DLGAP2: variants seen among roughly 807,000 people sequenced by gnomAD.
DLGAP2 encodes the protein DLG associated protein 2.
In DLGAP2, 26 loss-of-function variants were observed where a neutral mutation model predicts 100.3. The observed-to-expected ratio is 0.26, with a 90% CI of 0.19 to 0.36. The LOEUF is 0.36. Among genes scored for constraint, DLGAP2 ranks in the 10% least tolerant of loss-of-function variants. The probability of loss-of-function intolerance (pLI) is 1.00; values close to 1 mark genes in which losing one functional copy is unlikely to be tolerated. For missense variants in DLGAP2, 1,858 were observed against 1,453.2 expected (o/e 1.28, Z -4.53); for synonymous variants, 886 against 630.1 (o/e 1.41, Z -6.08).
At chr8:1,390,785 C>G (rs1438966206) in intron 3 of DLGAP2, among the ~76,000 whole-genome samples, 1 of 152,190 alleles carries the variant, frequency 6.6e-6, no homozygotes, top group East Asian at 1.9e-4. Flanking sequence ...TGTTACAAAA[C>G]CATTTTTCAA....
At chr8:1,677,500 T>C (rs1161668077) in intron 11 of DLGAP2, among the ~76,000 whole-genome samples, 3 of 152,142 alleles carry the variant, frequency 2.0e-5, no homozygotes, top group African/African-American at 7.2e-5. Flanking sequence ...CTGCAGTAGC[T>C]GGGACTATGT....
At chr8:1,436,770 C>T (rs1797644387) in intron 3 of DLGAP2, among the ~76,000 whole-genome samples, 1 of 152,190 alleles carries the variant, frequency 6.6e-6, no homozygotes, top group South Asian at 2.1e-4. Flanking sequence ...CTCACCCGGT[C>T]ACCCAGAGCA....
At chr8:845,172 G>A (rs748684259) in intron 1 of DLGAP2, among the ~76,000 whole-genome samples, 2 of 152,142 alleles carry the variant, frequency 1.3e-5, no homozygotes, top group Non-Finnish European at 2.9e-5. Flanking sequence ...TTTCTCTTGG[G>A]TATATACCTA....
intron 2 of DLGAP2, among the ~76,000 whole-genome samples, chr8:1,166,645 A>G (rs1348753229): frequency 2.6e-5 from 4 of 152,184 alleles, no homozygotes; most frequent in Admixed American, 2.0e-4. Context: ...TCAATGCCGC[A>G]TAAGCATGTC....
intron 2 of DLGAP2, among the ~76,000 whole-genome samples, chr8:1,220,732 T>G (rs1161646589): frequency 6.6e-6 from 1 of 152,248 alleles, no homozygotes; most frequent in Non-Finnish European, 1.5e-5. Flanking sequence ...TGTGTGGTTA[T>G]CAAAGTCTTT....
chr8:1,145,762 C>G (rs13265610), intron 2 of DLGAP2, among the ~76,000 whole-genome samples: 1 of 122,678 alleles, frequency 8.2e-6, no homozygotes, highest in East Asian at 3.0e-4. Flanking sequence ...ATCCCTCCCC[C>G]CTCCCCCCAC....
chr8:989,910 C>A (rs886869492), intron 2 of DLGAP2, among the ~76,000 whole-genome samples: 1 of 152,098 alleles, frequency 6.6e-6, no homozygotes, highest in Non-Finnish European at 1.5e-5. Flanking sequence ...TTAAAAATAA[C>A]TGAATTGTAA....
At chr8:758,944 C>A (rs961778941) in intron 1 of DLGAP2, among the ~76,000 whole-genome samples, 1 of 144,464 alleles carries the variant, frequency 6.9e-6, no homozygotes, top group African/African-American at 2.6e-5. Flanking sequence ...CTACCCTCCC[C>A]AACAGCCTTC....
intron 6 of DLGAP2, among the ~76,000 whole-genome samples, chr8:1,585,759 G>A (rs564116002): frequency 2.0e-5 from 3 of 152,264 alleles, no homozygotes; most frequent in South Asian, 2.1e-4. Context: ...CCATACACTC[G>A]CAGTCCATTC....
At chr8:898,406 G>A (rs574973463) in intron 1 of DLGAP2, among the ~76,000 whole-genome samples, 1 of 152,302 alleles carries the variant, frequency 6.6e-6, no homozygotes, top group Admixed American at 6.5e-5. Flanking sequence ...GGCGGTCATT[G>A]GCCGGGGCAG....
intron 8 of DLGAP2, among the ~76,000 whole-genome samples, chr8:1,655,417 G>A (rs984926314): frequency 6.6e-6 from 1 of 152,198 alleles, no homozygotes; most frequent in Non-Finnish European, 1.5e-5. Context: ...ATGAATGCAA[G>A]TGTGGCTGTT....
intron 2 of DLGAP2, among the ~76,000 whole-genome samples, chr8:987,287 C>T (rs1310938912): frequency 6.6e-6 from 1 of 152,078 alleles, no homozygotes; most frequent in Non-Finnish European, 1.5e-5. Flanking sequence ...GTGAGCTCAG[C>T]TGCAGGTTTA....
intron 2 of DLGAP2, among the ~76,000 whole-genome samples, chr8:933,525 CACCT>C (rs1799008479): frequency 8.4e-6 from 1 of 118,822 alleles, no homozygotes; most frequent in African/African-American, 3.3e-5. Flanking sequence ...GCTGTGGAGA[CACCT>C]GGCCGTGGGC....
intron 2 of DLGAP2, among the ~76,000 whole-genome samples, chr8:931,690 G>C (rs1798962421): frequency 6.6e-6 from 1 of 152,074 alleles, no homozygotes; most frequent in African/African-American, 2.4e-5. Flanking sequence ...CGTCCTGGTG[G>C]CCACGCCCTG....
intron 2 of DLGAP2, among the ~76,000 whole-genome samples, chr8:990,420 C>CT (rs1800640623): frequency 1.9e-5 from 1 of 51,966 alleles, no homozygotes; most frequent in Non-Finnish European, 3.5e-5. Flanking sequence ...CTTGCCCAGA[C>CT]CCCCTGCACC....
chr8:1,009,144 G>C (rs755963238), intron 2 of DLGAP2, among the ~76,000 whole-genome samples: 4 of 152,212 alleles, frequency 2.6e-5, no homozygotes, highest in Admixed American at 2.0e-4. Flanking sequence ...TTCCTGCAAT[G>C]CTTGGTCAGC....
At chr8:1,105,514 G>A (rs946835477) in intron 2 of DLGAP2, among the ~76,000 whole-genome samples, 1 of 152,142 alleles carries the variant, frequency 6.6e-6, no homozygotes, top group African/African-American at 2.4e-5. Flanking sequence ...CATGCTGAGC[G>A]GGGGTCTGTG....
chr8:926,526 A>G (rs1194423897), intron 2 of DLGAP2, among the ~76,000 whole-genome samples: 1 of 152,162 alleles, frequency 6.6e-6, no homozygotes, highest in Non-Finnish European at 1.5e-5. Context: ...AAACAAGCAG[A>G]ATCTGTGCCC....
At chr8:1,512,497 G>A (rs114133422) in intron 4 of DLGAP2, among the ~76,000 whole-genome samples, 3,903 of 152,092 alleles carry the variant, frequency 0.026, 65 homozygotes, top group Middle Eastern at 0.034. Context: ...GTCTAGCATG[G>A]GAAAATCACA....
Sources: gnomAD v4.1 joint callset for allele counts (sites outside exome capture counted in the v4.1 genomes callset) on GRCh38, gnomAD v4.1.1 for gene constraint, MANE v1.5 for transcripts, NCBI Gene and HGNC (gene_info 2026-07-23, HGNC 2026-07-21) for gene names.